Variants in KIAA1191 observed in about 807,000 individuals in gnomAD.
KIAA1191 encodes KIAA1191.
Under a neutral mutation model 31.1 loss-of-function variants are expected in KIAA1191, and 22 were observed. The ratio of observed to expected loss-of-function variants is 0.71; its 90% CI spans 0.51 to 1.01. The LOEUF is 1.01. KIAA1191 is among the 50% of genes least tolerant of loss of function. The pLI, the probability that KIAA1191 is intolerant of heterozygous loss-of-function variation, is 0.00. For missense variants in KIAA1191, 319 were observed against 388.0 expected (o/e 0.82, Z 1.49); for synonymous variants, 130 against 143.9 (o/e 0.90, Z 0.69).
intron 5 of KIAA1191, among the ~76,000 whole-genome samples, chr5:176,351,061 G>A (rs1766948211): frequency 1.3e-5 from 2 of 152,164 alleles, no homozygotes; most frequent in Admixed American, 1.3e-4. Flanking sequence ...TGCAACATGG[G>A]GCTGGATGCA....
chr5:176,359,492 G>A lies in KIAA1191; in HGVS notation c.17C>T (p.Pro6Leu), dbSNP rs765761239. 6.2e-7 allele frequency: 1 copy of A among 1,613,676 alleles called. No homozygotes were observed. Among genetic ancestry groups the A allele is most frequent in the Non-Finnish European group, 8.5e-7 (1 of 1,179,688 alleles). Residue 6 changes from proline to leucine, a missense_variant, in exon 3 of 9, where the codon CCA becomes CTA. Physicochemically the swap from Pro to Leu is moderately conservative, Grantham distance 98 (BLOSUM62 -3). Transcript: ENST00000298569. MASRQ[P>L]EVPALEASAP... is the part of the protein sequence containing the mutation. ...AGAATTAAGTTTACCAGGCACTTCT[G>A]GTTGTCTTGAAGCCATTGAAAGACT...
chr5:176,352,483 A>G, intron 5 of KIAA1191, 139 bp downstream of exon 5: 1 of 957,402 alleles, frequency 1.0e-6, no homozygotes, highest in South Asian at 1.6e-5. Context: ...CAATACTGAC[A>G]TGATTCAGCA....
At chr5:176,353,799 G>A (rs1223008340) in intron 4 of KIAA1191, among the ~76,000 whole-genome samples, 7 of 152,216 alleles carry the variant, frequency 4.6e-5, no homozygotes, top group Non-Finnish European at 1.0e-4. Flanking sequence ...AGCAGGGTGT[G>A]TGGCCTGGCA....
chr5:176,359,407 A>G (rs1410455411), intron 3 of KIAA1191, 74 bp downstream of exon 3: 1 of 1,360,980 alleles, frequency 7.3e-7, no homozygotes, highest in Non-Finnish European at 1.1e-6. Flanking sequence ...TATAGTTCCG[A>G]TAAAATGGTT....
intron 5 of KIAA1191, among the ~76,000 whole-genome samples, chr5:176,351,386 G>T (rs1043043623): frequency 2.6e-5 from 4 of 151,730 alleles, no homozygotes. Flanking sequence ...CAATGAATAA[G>T]TTTTGTAACA....
chr5:176,360,389 C>A (rs949232461), intron 1 of KIAA1191, among the ~76,000 whole-genome samples: 6 of 151,894 alleles, frequency 4.0e-5, no homozygotes, highest in African/African-American at 1.4e-4. Context: ...ATCTCCTGAC[C>A]TTGCGATCCG....
rs1239021181 is a variant in KIAA1191 at position 176,347,347 on chromosome 5, G to A, written c.*253C>T. 43 of 224,314 alleles carry A rather than the reference G, an allele frequency of 1.9e-4. No homozygotes were observed. Among genetic ancestry groups the A allele is most frequent in the South Asian group, 5.2e-4 (3 of 5,790 alleles). The allele number at this position is 224,314 out of a possible 1,614,324, so 13.9% of individuals were successfully genotyped here. ...CTCCCAAGTAGCTGGGACTACAGGC[G>A]CCCACCACCACGCCCAGCTAATTTT... On this transcript the variant is annotated 3_prime_UTR_variant, in exon 9 of 9. Coordinates refer to ENST00000298569, the MANE Select transcript of KIAA1191 (RefSeq NM_020444.5).
intron 7 of KIAA1191, 46 bp from the exon 8 acceptor site, chr5:176,348,109 G>A (rs367579497): frequency 1.8e-4 from 288 of 1,608,506 alleles, no homozygotes; most frequent in Admixed American, 6.1e-4. Context: ...CTCTTCCTTC[G>A]CCCCTAGAAA....
intron 4 of KIAA1191, among the ~76,000 whole-genome samples, chr5:176,354,052 G>A (rs1177354851): frequency 6.6e-6 from 1 of 152,156 alleles, no homozygotes; most frequent in Admixed American, 6.5e-5. Flanking sequence ...TGTTGGAGGC[G>A]GGGGGAAAAA....
rs376065635 is a variant in KIAA1191 at position 176,352,648 on chromosome 5, T to C, written c.308A>G (p.His103Arg). ...TGTGATCAGAGAATTCATGATGACA[T>C]GGGTAGCTTTAGCCTTCACCACTGG... ...KVPVVKAKAT[H>R]VIMNSLITKQ... Residue 103 changes from histidine to arginine, a missense_variant, in exon 5 of 9, where the codon CAT (histidine) becomes CGT (arginine). By Grantham distance (29) the His-to-Arg change is conservative. Coordinates refer to ENST00000298569, the MANE Select transcript of KIAA1191 (RefSeq NM_020444.5). 1.5e-5 allele frequency: 24 copies of C among 1,613,698 alleles called. No homozygotes were observed. The African/African-American group carries it at 3.1e-4, about 21-fold the overall frequency.
intron 5 of KIAA1191, among the ~76,000 whole-genome samples, chr5:176,351,124 A>C (rs1048967491): frequency 7.3e-5 from 11 of 151,176 alleles, no homozygotes; most frequent in Admixed American, 3.3e-4. Flanking sequence ...GGGCGGATCA[A>C]GAGGTCAGGA....
At chr5:176,357,473 C>T (rs1358884488) in intron 3 of KIAA1191, among the ~76,000 whole-genome samples, 2 of 151,954 alleles carry the variant, frequency 1.3e-5, no homozygotes, top group African/African-American at 2.4e-5. Flanking sequence ...ACTAAGTCTT[C>T]CTCCTTGCTA....
rs1554119735 is a variant in KIAA1191, at chr5:176,352,178, A to AAAC, written c.334+443_334+444insGTT. 8.6e-3 allele frequency among the ~76,000 whole-genome samples: 1,277 copies of AAAC among 148,912 alleles called. 22 individuals are homozygous for AAAC. Among genetic ancestry groups the AAAC allele is most frequent in the African/African-American group, 0.027 (1,095 of 40,118 alleles). On this transcript the variant is annotated intron_variant, in intron 5 of 8. Transcript: ENST00000298569. The stretch of plus-strand genomic sequence containing the variant: ...TTAAAAAAAAAAAAACAAAAAAAAA[A>AAAC]ACAAAAACTGGGGTAAGTGGGAAAT...
chr5:176,348,208 TG>T, intron 7 of KIAA1191, 41 bp downstream of exon 7: 1 of 1,605,754 alleles, frequency 6.2e-7, no homozygotes. Context: ...CTAGCTTTCC[TG>T]AAGCACGCAG....
chr5:176,355,795 A>C lies in KIAA1191; in HGVS notation c.29-46T>G. On this transcript the variant is annotated intron_variant, in intron 3 of 8. Coordinates refer to ENST00000298569, the MANE Select transcript of KIAA1191 (RefSeq NM_020444.5). The surrounding 1 kb of genome is among the most constrained non-coding windows in gnomAD (Gnocchi z 4.2). ...CAAGACAGGTTCAGCAACTGGACAT[A>C]CTAGCAGCTTTAAATTAATCTACAG... is the stretch of plus-strand genomic sequence containing the variant. The C allele has an allele frequency of 6.4e-7, 1 of 1,559,400 alleles. No individual in the cohort carries two copies. Among genetic ancestry groups the C allele is most frequent in the Non-Finnish European group, 8.8e-7 (1 of 1,130,696 alleles).
chr5:176,355,968 C>A lies in KIAA1191; in HGVS notation c.29-219G>T, dbSNP rs972159089. Reference sequence around the variant, plus strand: ...GGTCCACTTAACCCACTCAGCCGTCCTAATCCTTTTTTTTTATTATTTGTT... The same window carrying A: ...GGTCCACTTAACCCACTCAGCCGTCATAATCCTTTTTTTTTATTATTTGTT... On this transcript the variant is annotated intron_variant, in intron 3 of 8. Coordinates refer to ENST00000298569, the MANE Select transcript of KIAA1191 (RefSeq NM_020444.5). This position sits in a 1 kb window ranked among gnomAD's most constrained non-coding sequence, Gnocchi z 4.2. The A allele has an allele frequency of 5.4e-6, 3 of 553,200 alleles. No homozygotes were observed. Among genetic ancestry groups the A allele is most frequent in the Non-Finnish European group, 9.6e-6 (3 of 312,178 alleles). 34.3% of individuals were successfully genotyped at this position (553,200 alleles called of 1,614,324 possible).
Position 176,349,990 on chromosome 5 carries a change from A to T in KIAA1191, c.459+623T>A, listed in dbSNP as rs377714551. 4.1e-4 allele frequency among the ~76,000 whole-genome samples: 62 copies of T among 152,314 alleles called. No individual in the cohort carries two copies. In the East Asian group the frequency reaches 8.9e-3, roughly 22 times the overall value. On this transcript the variant is annotated intron_variant, in intron 6 of 8. Transcript: ENST00000298569. Reference sequence around the variant, plus strand: ...GAGGAGGAAGAAGCCAACAGGAAGTAAGGCATCAGGAGACTTGGGTTCGGG... The same window carrying T: ...GAGGAGGAAGAAGCCAACAGGAAGTTAGGCATCAGGAGACTTGGGTTCGGG...
At chr5:176,359,231 A>ATGGC (rs1767777803) in intron 3 of KIAA1191, among the ~76,000 whole-genome samples, 1 of 152,026 alleles carries the variant, frequency 6.6e-6, no homozygotes, top group Non-Finnish European at 1.5e-5. Context: ...AGGCAGGAGA[A>ATGGC]TGGCTTGAAC....
At position 176,355,473 on chromosome 5, in the gene KIAA1191, G is replaced by A. The variant is rs1270543273; in HGVS notation, c.207+98C>T. On this transcript the variant is annotated intron_variant, in intron 4 of 8. Transcript: ENST00000298569. The surrounding 1 kb of genome is among the most constrained non-coding windows in gnomAD (Gnocchi z 4.2). Reference sequence around the variant, plus strand: ...AAAACACATACAGGGAGTGGTTGCTGCCCAGTCCCATGGGCACAGGGAGCC... The same window carrying A: ...AAAACACATACAGGGAGTGGTTGCTACCCAGTCCCATGGGCACAGGGAGCC... 2.7e-6 allele frequency: 3 copies of A among 1,114,114 alleles called. No homozygotes were observed. The highest frequency in any genetic ancestry group is 2.2e-5 in the Admixed American group (1 of 45,978). The allele number at this position is 1,114,114 out of a possible 1,614,324, so 69.0% of individuals were successfully genotyped here.
Sources: allele counts gnomAD v4.1 joint callset (sites outside exome capture counted in the v4.1 genomes callset), GRCh38; gene constraint gnomAD v4.1.1; non-coding constraint Gnocchi (gnomAD v3.1); transcripts MANE v1.5; gene names NCBI Gene and HGNC (gene_info 2026-07-23, HGNC 2026-07-21).